Variants in PAMR1 observed in about 807,000 individuals in gnomAD.
PAMR1 encodes the protein inactive serine protease PAMR1.
Under a neutral mutation model 81.8 loss-of-function variants are expected in PAMR1, and 88 were observed. That is an observed-to-expected ratio of 1.08 (90% CI 0.91 to 1.28). PAMR1 has a LOEUF of 1.28. Among genes scored for constraint, PAMR1 ranks in the 50% most tolerant of loss-of-function variants. PAMR1 has a pLI of 0.00. For synonymous variants in PAMR1, 336 were observed against 345.3 expected, an observed-to-expected ratio of 0.97 and a Z score of 0.30; for missense variants, 935 against 919.7, an observed-to-expected ratio of 1.02 and a Z score of -0.21.
intron 6 of PAMR1, among the ~76,000 whole-genome samples, chr11:35,464,799 T>A (rs1207585919): frequency 6.6e-6 from 1 of 152,236 alleles, no homozygotes; most frequent in East Asian, 1.9e-4. Flanking sequence ...ACTGTTTGAT[T>A]TTTTTGACAT....
intron 6 of PAMR1, among the ~76,000 whole-genome samples, chr11:35,444,157 G>A (rs1053956941): frequency 1.3e-5 from 2 of 152,106 alleles, no homozygotes; most frequent in East Asian, 1.9e-4. Flanking sequence ...CCTTTGAGAA[G>A]TGTCTGTTCA....
At chr11:35,471,491 A>C (rs1409415815) in intron 4 of PAMR1, among the ~76,000 whole-genome samples, 2 of 152,156 alleles carry the variant, frequency 1.3e-5, no homozygotes, top group African/African-American at 4.8e-5. Flanking sequence ...TGCAAGACTA[A>C]GTAAAGGGGA....
chr11:35,446,058 T>C (rs148379430), intron 6 of PAMR1, among the ~76,000 whole-genome samples: 291 of 152,346 alleles, frequency 1.9e-3, no homozygotes, highest in African/African-American at 6.3e-3. Flanking sequence ...GGTTCAGTCC[T>C]GGGAGGGTGT....
chr11:35,432,944 A>G (rs766407100), intron 10 of PAMR1, 52 bp from the exon 11 acceptor site: 2 of 1,474,304 alleles, frequency 1.4e-6, no homozygotes, highest in Non-Finnish European at 1.8e-6. Flanking sequence ...TCCACAGTGG[A>G]TAAGAACAGA....
At chr11:35,491,838 C>T (rs892584793) in intron 3 of PAMR1, among the ~76,000 whole-genome samples, 1 of 152,198 alleles carries the variant, frequency 6.6e-6, no homozygotes, top group Non-Finnish European at 1.5e-5. Context: ...AGACATAAAC[C>T]TCCTGTGGCC....
intron 6 of PAMR1, among the ~76,000 whole-genome samples, chr11:35,449,850 C>G (rs1856375114): frequency 6.6e-6 from 1 of 152,166 alleles, no homozygotes; most frequent in Non-Finnish European, 1.5e-5. Context: ...GGGAGTTTGC[C>G]TTACTCCATG....
At chr11:35,457,867 G>A (rs1190363970) in intron 6 of PAMR1, among the ~76,000 whole-genome samples, 1 of 152,190 alleles carries the variant, frequency 6.6e-6, no homozygotes, top group Non-Finnish European at 1.5e-5. Context: ...ACTCACAGAG[G>A]AAGGGATATG....
intron 6 of PAMR1, among the ~76,000 whole-genome samples, chr11:35,442,721 C>T (rs568401007): frequency 4.3e-4 from 65 of 152,108 alleles, no homozygotes; most frequent in Non-Finnish European, 8.5e-4. Flanking sequence ...AAGTGATCCT[C>T]CCACCTTAGG....
Position 35,439,723 on chromosome 11 carries a change from T to C in PAMR1, c.1034-30A>G, listed in dbSNP as rs373849072. 8 of 1,569,916 alleles carry C rather than the reference T, an allele frequency of 5.1e-6. No individual in the cohort carries two copies. In the African/African-American group the frequency reaches 5.4e-5, roughly 11 times the overall value. On this transcript the variant is annotated intron_variant, in intron 7 of 10. Coordinates refer to ENST00000619888, the MANE Select transcript of PAMR1 (RefSeq NM_001001991.3). ...AAATAAAAAAGACAATGCTGCATGA[T>C]CCTTTTCCATATTCACTGTTCATAT...
intron 5 of PAMR1, 143 bp from the exon 6 acceptor site, chr11:35,468,251 T>A (rs939935548): frequency 1.2e-5 from 7 of 583,182 alleles, no homozygotes; most frequent in African/African-American, 1.1e-4. Context: ...CATGTTATGA[T>A]TATTTGAAAA....
Position 35,432,538 on chromosome 11 carries a change from A to G in PAMR1, c.1981T>C (p.Cys661Arg), listed in dbSNP as rs1331878524. The G allele has an allele frequency of 6.2e-7, 1 of 1,614,118 alleles. No individual in the cohort carries two copies. Among genetic ancestry groups the G allele is most frequent in the African/African-American group, 1.3e-5 (1 of 74,950 alleles). The change falls in exon 11 of 11, where the codon TGC becomes CGC. Residue 661 changes from cysteine (C) to arginine (R), a missense_variant. Coordinates refer to ENST00000619888, the MANE Select transcript of PAMR1 (RefSeq NM_001001991.3). ...GCGATGCCTCCTGTCTCTGCAGTGC[A>G]GATATCAGAAGGGGCAGTGGGTTCC... The part of the protein sequence containing the change: ...SWEPTAPSDI[C>R]TAETGGIAAV...
Position 35,494,130 on chromosome 11 carries a change from C to T in PAMR1, c.216G>A (p.Glu72=). 6 of 1,614,158 alleles carry T rather than the reference C, an allele frequency of 3.7e-6. No individual in the cohort carries two copies. Among genetic ancestry groups the T allele is most frequent in the Non-Finnish European group, 5.1e-6 (6 of 1,179,996 alleles). Reference sequence around the variant, plus strand: ...TCAGGCAGGAGTCACACTCATTCTCCTCATTCCTGCAGCAAGGGATGGTAT... The same window carrying T: ...TCAGGCAGGAGTCACACTCATTCTCTTCATTCCTGCAGCAAGGGATGGTAT... ...VGYTIPCCRN[E]ENECDSCLIH... The change falls in exon 2 of 11, where the codon GAG becomes GAA. Residue 72 remains glutamate, a synonymous_variant. Coordinates refer to ENST00000619888, the MANE Select transcript of PAMR1 (RefSeq NM_001001991.3).
At chr11:35,499,068 A>C (rs1850781091) in intron 1 of PAMR1, among the ~76,000 whole-genome samples, 1 of 152,232 alleles carries the variant, frequency 6.6e-6, no homozygotes, top group Admixed American at 6.5e-5. Context: ...GAGGTGCTGA[A>C]TAAATATCTG....
upstream of PAMR1, among the ~76,000 whole-genome samples, chr11:35,529,270 C>A (rs1294924297): frequency 2.0e-5 from 3 of 152,190 alleles, no homozygotes. Flanking sequence ...CCATAGCCTT[C>A]TCATTTGCAA....
At chr11:35,487,984 A>G (rs1270099644) in intron 3 of PAMR1, among the ~76,000 whole-genome samples, 1 of 152,114 alleles carries the variant, frequency 6.6e-6, no homozygotes, top group East Asian at 1.9e-4. Context: ...CCTATAAATA[A>G]TTCTTTTCCT....
intron 6 of PAMR1, among the ~76,000 whole-genome samples, chr11:35,461,165 C>A (rs1856645516): frequency 6.6e-6 from 1 of 152,176 alleles, no homozygotes; most frequent in Non-Finnish European, 1.5e-5. Flanking sequence ...AATCTGCCTG[C>A]CATGTTAAGT....
intron 1 of PAMR1, among the ~76,000 whole-genome samples, chr11:35,511,761 G>A (rs896486136): frequency 2.0e-5 from 3 of 152,184 alleles, no homozygotes; most frequent in African/African-American, 4.8e-5. Flanking sequence ...ATCTTGTGCT[G>A]TCTGAATCTC....
At chr11:35,524,830 T>C (rs560173264) in intron 1 of PAMR1, among the ~76,000 whole-genome samples, 1 of 152,348 alleles carries the variant, frequency 6.6e-6, no homozygotes, top group South Asian at 2.1e-4. Context: ...CTGGGGATTG[T>C]GGCTTAGAAA....
At chr11:35,498,004 A>G (rs1476251552) in intron 1 of PAMR1, among the ~76,000 whole-genome samples, 3 of 152,236 alleles carry the variant, frequency 2.0e-5, no homozygotes, top group Admixed American at 2.0e-4. Context: ...TGCACAGGAC[A>G]AAAACCAAGC....
Sources: gnomAD v4.1 joint callset for allele counts (sites outside exome capture counted in the v4.1 genomes callset) on GRCh38, gnomAD v4.1.1 for gene constraint, MANE v1.5 for transcripts, NCBI Gene and HGNC (gene_info 2026-07-23, HGNC 2026-07-21) for gene names.